The following MTUS2 variants were observed in gnomAD, a reference collection of about 807,000 sequenced individuals.
MTUS2 encodes microtubule associated scaffold protein 2, also known as microtubule-associated tumor suppressor candidate 2.
In MTUS2, 40 loss-of-function variants were observed where a neutral mutation model predicts 114.1. That is an observed-to-expected ratio of 0.35 (90% CI 0.27 to 0.46). MTUS2 has a LOEUF of 0.46. Ranked by LOEUF, MTUS2 falls within the 20% of genes least tolerant of loss-of-function variation. MTUS2 has a pLI of 1.00. For synonymous variants in MTUS2, 688 were observed against 672.0 expected (o/e 1.02, Z -0.37); for missense variants, 1,679 against 1,705.4 (o/e 0.98, Z 0.27).
intron 5 of MTUS2, among the ~76,000 whole-genome samples, chr13:29,244,955 C>CGAAAAAAAAAAAAAAA: frequency 1.7e-5 from 1 of 60,522 alleles, no homozygotes. Flanking sequence ...GACTCCGTCT[C>CGAAAAAAAAAAAAAAA]AAAAAAAAAA....
intron 4 of MTUS2, among the ~76,000 whole-genome samples, chr13:29,040,938 T>C (rs1887323801): frequency 6.6e-6 from 1 of 152,234 alleles, no homozygotes; most frequent in East Asian, 1.9e-4. Flanking sequence ...TTGCTTTTAC[T>C]GTGCAGAAGC....
chr13:28,980,809 T>C (rs1176666502), intron 2 of MTUS2, among the ~76,000 whole-genome samples: 1 of 152,252 alleles, frequency 6.6e-6, no homozygotes, highest in East Asian at 1.9e-4. Context: ...AATTTTGCTT[T>C]CTCACCAGGA....
intron 5 of MTUS2, among the ~76,000 whole-genome samples, chr13:29,253,754 A>C (rs1218808420): frequency 6.6e-6 from 1 of 152,214 alleles, no homozygotes; most frequent in South Asian, 2.1e-4. Flanking sequence ...ACAGTTCCAC[A>C]TGTCTGGAGA....
At chr13:28,902,262 A>G (rs1879690373) in intron 2 of MTUS2, among the ~76,000 whole-genome samples, 1 of 152,176 alleles carries the variant, frequency 6.6e-6, no homozygotes, top group Non-Finnish European at 1.5e-5. Flanking sequence ...AGCAAATTAT[A>G]TGCAAACCAG....
rs1235510267 is a variant in MTUS2 at position 29,337,783 on chromosome 13, G to GT, written c.2905+13075dup. Among the ~76,000 whole-genome samples, 668 of 131,034 alleles carry GT rather than the reference G, an allele frequency of 5.1e-3. 6 individuals carry two copies. The highest frequency in any genetic ancestry group is 0.021 in the African/African-American group (623 of 30,198). The allele number at this position is 131,034 out of a possible 152,430, so 86.0% of individuals were successfully genotyped here. A position where few individuals can be genotyped will look rare whatever the true frequency, so the allele number is the denominator to read the frequency against. ...CCCCTGGCTAATTTTTTGTTTGTTT[G>GT]TTTGTTTTGGTTTTTTTTTTTTTGA... On this transcript the variant is annotated intron_variant, in intron 7 of 15. Coordinates refer to ENST00000612955, the MANE Select transcript of MTUS2 (RefSeq NM_001033602.4).
intron 9 of MTUS2, among the ~76,000 whole-genome samples, chr13:29,450,808 A>G (rs1399295905): frequency 6.6e-6 from 1 of 152,256 alleles, no homozygotes; most frequent in African/African-American, 2.4e-5. Context: ...ATATCACACA[A>G]AGTAGACTTC....
At chr13:29,297,876 T>TACAC (rs71190801) in intron 6 of MTUS2, among the ~76,000 whole-genome samples, 20 of 151,474 alleles carry the variant, frequency 1.3e-4, no homozygotes, top group Admixed American at 3.9e-4. Context: ...TGTACACACA[T>TACAC]ACACACACAC....
chr13:29,005,680 T>C (rs1439223299), intron 2 of MTUS2, among the ~76,000 whole-genome samples: 3 of 152,244 alleles, frequency 2.0e-5, no homozygotes, highest in Non-Finnish European at 4.4e-5. Context: ...CTTTAGCACA[T>C]GTGAACCAGG....
chr13:29,483,474 A>AACACC (rs58579417), intron 10 of MTUS2, among the ~76,000 whole-genome samples: 7,292 of 152,202 alleles, frequency 0.048, 496 homozygotes, highest in African/African-American at 0.16. Context: ...AACTGGTTAG[A>AACACC]ACACCGCTTC....
chr13:28,901,593 T>C (rs190218964), intron 2 of MTUS2, among the ~76,000 whole-genome samples: 214 of 152,324 alleles, frequency 1.4e-3, no homozygotes, highest in African/African-American at 4.4e-3. Context: ...ACACAACAGC[T>C]CCAGCACTGT....
At chr13:29,072,239 A>G (rs1888972830) in intron 4 of MTUS2, 1 of 152,162 alleles carries the variant, frequency 6.6e-6, no homozygotes, top group African/African-American at 2.4e-5. Flanking sequence ...AATAGAAAGC[A>G]CTCAGTAAAT....
In MTUS2 at chr13:29,359,393, G is replaced by A. The variant is rs770261492; in HGVS notation, c.3037G>A (p.Gly1013Ser). 49 of 1,613,586 alleles carry A rather than the reference G, an allele frequency of 3.0e-5. No individual in the cohort carries two copies. Among genetic ancestry groups the A allele is most frequent in the Non-Finnish European group, 3.8e-5 (45 of 1,179,816 alleles). ...GTGTGAGCAGCAGACCAGACAGCTG[G>A]GCGTTGCGCAAGGGGAGCTGAAGAG... ...ERCEQQTRQL[G>S]VAQGELKRAI... The change falls in exon 8 of 16, where the codon GGC (glycine) becomes AGC (serine). Residue 1013 changes from glycine (G) to serine (S), a missense_variant. Around this residue, in one of 3 missense-constraint regions of MTUS2, gnomAD observed 822 missense variants for 899.7 expected, o/e 0.91. Coordinates refer to ENST00000612955, the MANE Select transcript of MTUS2 (RefSeq NM_001033602.4).
rs200092217 is a variant in MTUS2, at chr13:29,025,375, C to T, written c.677C>T (p.Pro226Leu). 2.5e-5 allele frequency: 40 copies of T among 1,613,772 alleles called. No homozygotes were observed. In the East Asian group the frequency reaches 4.5e-4, roughly 18 times the overall value. ...PQKTLPDHAV[P>L]AAFPATDSTS... ...AAGACATTGCCAGACCACGCTGTCC[C>T]GGCAGCTTTCCCTGCAACTGACAGT... is the stretch of plus-strand genomic sequence containing the variant. Residue 226 changes from proline to leucine, a missense_variant, in exon 3 of 16, where the codon CCG becomes CTG. Physicochemically the swap from Pro to Leu is moderately conservative, Grantham distance 98. This residue lies in a region of MTUS2 where 843 missense variants were observed against 770.8 expected (regional missense o/e 1.09). Transcript: ENST00000612955.
At chr13:29,232,248 A>G (rs1275029461) in intron 5 of MTUS2, among the ~76,000 whole-genome samples, 1 of 152,050 alleles carries the variant, frequency 6.6e-6, no homozygotes, top group Admixed American at 6.6e-5. Flanking sequence ...TCCAAAAACA[A>G]TGTGTAGGCC....
intron 5 of MTUS2, among the ~76,000 whole-genome samples, chr13:29,156,270 T>C (rs2139057403): frequency 6.6e-6 from 1 of 152,262 alleles, no homozygotes; most frequent in African/African-American, 2.4e-5. Context: ...GTTGACAGCA[T>C]TTCAAAAGAA....
chr13:28,890,353 T>C (rs1878845950), intron 2 of MTUS2, among the ~76,000 whole-genome samples: 1 of 152,140 alleles, frequency 6.6e-6, no homozygotes, highest in Non-Finnish European at 1.5e-5. Flanking sequence ...AGCATACTGT[T>C]TGGATTTGAT....
At chr13:29,227,206 C>T (rs965851960) in intron 5 of MTUS2, among the ~76,000 whole-genome samples, 1 of 143,106 alleles carries the variant, frequency 7.0e-6, no homozygotes, top group Non-Finnish European at 1.5e-5. Context: ...CTGCAGTGAG[C>T]TGAGGTTGGG....
chr13:28,826,496 C>G (rs1047783460), intron 1 of MTUS2, among the ~76,000 whole-genome samples: 2 of 152,092 alleles, frequency 1.3e-5, no homozygotes, highest in Non-Finnish European at 2.9e-5. Flanking sequence ...TTACTGTAGA[C>G]CCATTGTACC....
intron 2 of MTUS2, among the ~76,000 whole-genome samples, chr13:28,856,581 A>G (rs1489843578): frequency 6.6e-6 from 1 of 152,190 alleles, no homozygotes; most frequent in Non-Finnish European, 1.5e-5. Flanking sequence ...GCCAGCAACA[A>G]CAGCAGTGGT....
Sources: gnomAD v4.1 joint callset for allele counts (sites outside exome capture counted in the v4.1 genomes callset) on GRCh38, gnomAD v4.1.1 for gene constraint, gnomAD v4.1.1 regional missense constraint, MANE v1.5 for transcripts, NCBI Gene and HGNC (gene_info 2026-07-23, HGNC 2026-07-21) for gene names.